Variants in CORO1C observed in about 807,000 individuals in gnomAD.
CORO1C encodes coronin 1C.
A neutral mutation model predicts 51.2 loss-of-function variants in CORO1C; 14 were observed. That is an observed-to-expected ratio of 0.27 (90% CI 0.18 to 0.43). The LOEUF is 0.43. Among genes scored for constraint, CORO1C ranks in the 20% least tolerant of loss-of-function variants. CORO1C has a pLI of 1.00. For missense variants in CORO1C, 417 were observed against 607.8 expected, an observed-to-expected ratio of 0.69 and a Z score of 3.30; for synonymous variants, 181 against 210.5, an observed-to-expected ratio of 0.86 and a Z score of 1.21.
chr12:108,681,884 G>A (rs1317318465), intron 2 of CORO1C, among the ~76,000 whole-genome samples: 4 of 152,062 alleles, frequency 2.6e-5, no homozygotes, highest in Non-Finnish European at 5.9e-5. Context: ...CCAACTTGGA[G>A]TACAGATTTT....
rs1384944731 is a variant in CORO1C at position 108,658,951 on chromosome 12, G to T, written c.449-32C>A. ...CAGGCAAAACCATCAGAGATTAGAA[G>T]ATTAGAAACACCTATGTAACACACT... On this transcript the variant is annotated intron_variant, in intron 4 of 10. Coordinates refer to ENST00000261401, the MANE Select transcript of CORO1C (RefSeq NM_014325.4). The surrounding 1 kb of genome is among the most constrained non-coding windows in gnomAD (Gnocchi z 4.9). 2 of 1,587,912 alleles carry T rather than the reference G, an allele frequency of 1.3e-6. No homozygotes were observed. The highest frequency in any genetic ancestry group is 2.3e-5 in the East Asian group (1 of 44,326).
At chr12:108,652,663 TA>T (rs2032733715) in intron 7 of CORO1C, among the ~76,000 whole-genome samples, 1 of 152,240 alleles carries the variant, frequency 6.6e-6, no homozygotes, top group African/African-American at 2.4e-5. Flanking sequence ...CTCCTGGCTC[TA>T]ATTTTACTCC....
chr12:108,685,369 A>G (rs1390681494), intron 2 of CORO1C, among the ~76,000 whole-genome samples: 3 of 152,290 alleles, frequency 2.0e-5, no homozygotes. Flanking sequence ...TGTCCTTTCT[A>G]TCAAAACAAA....
intron 10 of CORO1C, 59 bp downstream of exon 10, chr12:108,648,546 G>A: frequency 6.2e-7 from 1 of 1,606,824 alleles, no homozygotes; most frequent in African/African-American, 1.3e-5. Flanking sequence ...GACCACAAGG[G>A]CTTTCTAGAG....
At chr12:108,724,370 A>G (rs1454810311) in intron 1 of CORO1C, among the ~76,000 whole-genome samples, 1 of 152,210 alleles carries the variant, frequency 6.6e-6, no homozygotes, top group Admixed American at 6.5e-5. Context: ...CACACAACTA[A>G]CTATAAAAAT....
rs1383085141 is a variant in CORO1C at position 108,662,033 on chromosome 12, A to G, written c.444T>C (p.Ser148=). The G allele has an allele frequency of 1.2e-6, 2 of 1,614,168 alleles. No individual in the cohort carries two copies. Among genetic ancestry groups the G allele is most frequent in the Admixed American group, 1.7e-5 (1 of 60,030 alleles). Residue 148 remains serine (S), a synonymous_variant, in exon 4 of 11, where the codon AGT becomes AGC. Transcript: ENST00000261401. The part of the protein sequence containing the change: ...WHPTARNVLL[S]AGCDNAIIIW... ...ACCGCTGAGCTCAGCTCCCACCTGC[A>G]CTAAGAAGCACATTGCGGGCCGTTG... is the stretch of plus-strand genomic sequence containing the variant.
intron 3 of CORO1C, among the ~76,000 whole-genome samples, chr12:108,668,742 C>T (rs1290352875): frequency 6.6e-6 from 1 of 152,196 alleles, no homozygotes; most frequent in Non-Finnish European, 1.5e-5. Context: ...ATCCCATTGT[C>T]CAAATTAGCC....
At chr12:108,649,192 T>C (rs1277909833) in intron 8 of CORO1C, 172 bp from the exon 9 acceptor site, 2 of 697,042 alleles carry the variant, frequency 2.9e-6, no homozygotes, top group Non-Finnish European at 4.8e-6. Context: ...GGTTGACAGA[T>C]GAGAGAACGG....
chr12:108,715,667 T>TGCAGAACCACATAAAATCGCCTGA lies in CORO1C; in HGVS notation c.-5-14345_-5-14344insTCAGGCGATTTTATGTGGTTCTGC, dbSNP rs11274706. The stretch of plus-strand genomic sequence containing the variant: ...CCTCCCCCCCGCATACTCACAACAC[T>TGCAGAACCACATAAAATCGCCTGA]GGCAGCAGCCATCTCCCTAAAGTGC... On this transcript the variant is annotated intron_variant, in intron 1 of 10. Transcript: ENST00000261401. Among the ~76,000 whole-genome samples the TGCAGAACCACATAAAATCGCCTGA allele has an allele frequency of 2.5e-4, 31 of 123,752 alleles. 1 individual carries two copies. In the South Asian group the frequency reaches 6.7e-3, roughly 27 times the overall value. 81.2% of individuals were successfully genotyped at this position (123,752 alleles called of 152,430 possible).
At chr12:108,708,716 C>A (rs2136873406) in intron 1 of CORO1C, among the ~76,000 whole-genome samples, 1 of 152,286 alleles carries the variant, frequency 6.6e-6, no homozygotes, top group Admixed American at 6.5e-5. Flanking sequence ...CCCACCTTGG[C>A]CTCCCAAAGT....
At chr12:108,661,579 C>T (rs1017041483) in intron 4 of CORO1C, among the ~76,000 whole-genome samples, 4 of 151,626 alleles carry the variant, frequency 2.6e-5, no homozygotes, top group African/African-American at 9.7e-5. Flanking sequence ...TATACATGTA[C>T]TAATTGTATA....
chr12:108,725,887 G>A (rs1461110049), intron 1 of CORO1C, among the ~76,000 whole-genome samples: 2 of 152,148 alleles, frequency 1.3e-5, no homozygotes, highest in African/African-American at 4.8e-5. Context: ...CCAGGCTGGA[G>A]TGTGATGGCG....
intron 2 of CORO1C, among the ~76,000 whole-genome samples, chr12:108,679,544 C>T (rs1185711742): frequency 6.6e-6 from 1 of 152,210 alleles, no homozygotes; most frequent in Non-Finnish European, 1.5e-5. Context: ...GCTTTAAGAG[C>T]AGGTGCACAG....
At chr12:108,713,128 A>T (rs1032247668) in intron 1 of CORO1C, among the ~76,000 whole-genome samples, 21 of 152,196 alleles carry the variant, frequency 1.4e-4, no homozygotes, top group Non-Finnish European at 2.9e-4. Context: ...CTGTTTTTAA[A>T]AGAGGAAGAA....
chr12:108,699,034 A>G (rs1329816418), intron 2 of CORO1C, among the ~76,000 whole-genome samples: 1 of 152,218 alleles, frequency 6.6e-6, no homozygotes, highest in African/African-American at 2.4e-5. Flanking sequence ...CTCATATTTA[A>G]GGAGCAAAGC....
rs2032396559 is a variant in CORO1C at position 108,647,182 on chromosome 12, G to C, written c.*221C>G. 4.8e-6 allele frequency: 2 copies of C among 414,078 alleles called. No individual in the cohort carries two copies. Among genetic ancestry groups the C allele is most frequent in the Non-Finnish European group, 8.6e-6 (2 of 233,722 alleles). 25.7% of individuals were successfully genotyped at this position (414,078 alleles called of 1,614,324 possible). On this transcript the variant is annotated 3_prime_UTR_variant, in exon 11 of 11. Transcript: ENST00000261401. ...ACTTAAAACATCAAAAAAGCTTTCT[G>C]ATAAAAAGCTCAGCTTTTAAATCAC... is the stretch of plus-strand genomic sequence containing the variant.
intron 2 of CORO1C, among the ~76,000 whole-genome samples, chr12:108,698,462 C>T (rs2136862149): frequency 6.6e-6 from 1 of 152,336 alleles, no homozygotes; most frequent in Admixed American, 6.5e-5. Context: ...GGCTGGAGTG[C>T]AGTGGCACGA....
intron 1 of CORO1C, among the ~76,000 whole-genome samples, chr12:108,726,202 G>A (rs535563814): frequency 1.1e-3 from 166 of 152,146 alleles, no homozygotes; most frequent in Non-Finnish European, 2.1e-3. Flanking sequence ...CGGATTATGA[G>A]GTCAGGAGAT....
chr12:108,676,903 G>A (rs904162283), intron 3 of CORO1C, among the ~76,000 whole-genome samples: 3 of 152,006 alleles, frequency 2.0e-5, no homozygotes, highest in African/African-American at 4.8e-5. Context: ...TCACAGCAGC[G>A]TATTTCCTTA....
Sources: gnomAD v4.1 joint callset for allele counts (sites outside exome capture counted in the v4.1 genomes callset) on GRCh38, gnomAD v4.1.1 for gene constraint, Gnocchi (gnomAD v3.1) non-coding constraint, MANE v1.5 for transcripts, NCBI Gene and HGNC (gene_info 2026-07-23, HGNC 2026-07-21) for gene names.